Variants in CATSPERG observed in about 807,000 individuals in gnomAD.
The protein encoded by CATSPERG is catsper channel auxiliary subunit gamma.
CATSPERG carries 115 observed loss-of-function variants against 145.0 expected under a neutral mutation model. That is an observed-to-expected ratio of 0.79 (90% CI 0.68 to 0.93). The LOEUF (loss-of-function observed/expected upper bound fraction) is 0.93. Among genes scored for constraint, CATSPERG ranks in the 40% least tolerant of loss-of-function variants. The pLI is 0.00. For missense variants in CATSPERG, 1,296 were observed against 1,490.1 expected, an observed-to-expected ratio of 0.87 and a Z score of 2.14; for synonymous variants, 588 against 589.0, an observed-to-expected ratio of 1.00 and a Z score of 0.02.
At position 38,367,359 on chromosome 19, in the gene CATSPERG, C is replaced by T. The variant is rs371624020; in HGVS notation, c.2770+47C>T. 126 of 1,590,970 alleles carry T rather than the reference C, an allele frequency of 7.9e-5. No individual in the cohort carries two copies. The Middle Eastern group carries it at 8.4e-4, about 11-fold the overall frequency. ...CTGCACAGTTCACTGCCCTCTTGCC[C>T]CCACTACTTTGTGCTCTCCCTCCCC... On this transcript the variant is annotated intron_variant, in intron 23 of 28. Coordinates refer to ENST00000409235, the MANE Select transcript of CATSPERG (RefSeq NM_021185.5).
At chr19:38,343,829 G>T in intron 4 of CATSPERG, 105 bp downstream of exon 4, 1 of 1,424,028 alleles carries the variant, frequency 7.0e-7, no homozygotes, top group Non-Finnish European at 9.4e-7. Flanking sequence ...GGGGGCGGGA[G>T]CTCAGCACAT....
intron 22 of CATSPERG, chr19:38,365,716 G>GC (rs1970437048): frequency 7.4e-6 from 1 of 135,364 alleles, no homozygotes; most frequent in South Asian, 2.8e-4. Context: ...TTTGTTTTTT[G>GC]TTTTTTTTTT....
At chr19:38,338,212 G>C (rs1286844438) in intron 3 of CATSPERG, among the ~76,000 whole-genome samples, 1 of 151,854 alleles carries the variant, frequency 6.6e-6, no homozygotes, top group Non-Finnish European at 1.5e-5. Flanking sequence ...GCAGTGGCGC[G>C]ATCTCGGCTC....
At position 38,362,504 on chromosome 19, in the gene CATSPERG, G is replaced by A. The variant is rs780658051; in HGVS notation, c.2286G>A (p.Lys762=). The A allele has an allele frequency of 2.5e-6, 4 of 1,613,818 alleles. No homozygotes were observed. Among genetic ancestry groups the A allele is most frequent in the South Asian group, 1.1e-5 (1 of 91,094 alleles). ...TGCCGGAGCGCATTTTCCTGGACAA[G>A]GGCACTGAGTACAGCTTCGCCATCT... ...YELPERIFLD[K]GTEYSFAIFL... The change falls in exon 19 of 29, where the codon AAG becomes AAA. Residue 762 remains lysine (K), a synonymous_variant. Transcript: ENST00000409235.
intron 7 of CATSPERG, chr19:38,348,894 A>G (rs992792461): frequency 1.3e-5 from 2 of 152,206 alleles, no homozygotes; most frequent in Admixed American, 1.3e-4. Context: ...TAACCATTTT[A>G]AAGTGAACAT....
chr19:38,363,136 T>C (rs562679170), intron 20 of CATSPERG, among the ~76,000 whole-genome samples: 2 of 152,220 alleles, frequency 1.3e-5, no homozygotes, highest in South Asian at 4.1e-4. Context: ...CCTCCCAGAT[T>C]CAACCGAGTC....
chr19:38,360,787 G>A lies in CATSPERG; in HGVS notation c.1824G>A (p.Val608=). 1 of 1,612,624 alleles carries A rather than the reference G, an allele frequency of 6.2e-7. No homozygotes were observed. Among genetic ancestry groups the A allele is most frequent in the Non-Finnish European group, 8.5e-7 (1 of 1,179,540 alleles). The change falls in exon 16 of 29, where the codon GTG becomes GTA. Residue 608 remains valine (V), a synonymous_variant. Coordinates refer to ENST00000409235, the MANE Select transcript of CATSPERG (RefSeq NM_021185.5). ...AGCTGGTCAAGAGGCTCGTGCCCGT[G>A]GAGCAGCTTCTGATGTATCAACAGC... ...KGQLVKRLVP[V]EQLLMYQQHT...
rs370863363 is a variant in CATSPERG at position 38,370,216 on chromosome 19, C to G, written c.3171C>G (p.His1057Gln). The G allele has an allele frequency of 1.2e-6, 2 of 1,613,670 alleles. No homozygotes were observed. The highest frequency in any genetic ancestry group is 8.5e-7 in the Non-Finnish European group (1 of 1,180,028). Residue 1057 changes from histidine (H) to glutamine (Q), a missense_variant, in exon 28 of 29, where the codon CAC becomes CAG. His to Gln is a conservative substitution (Grantham distance 24). Coordinates refer to ENST00000409235, the MANE Select transcript of CATSPERG (RefSeq NM_021185.5). Reference sequence around the variant, plus strand: ...AGCTCACCTTCCTGCTGCACATCCACGGGCTGCCACTCAGTCCCAAGCGGG... The same window carrying G: ...AGCTCACCTTCCTGCTGCACATCCAGGGGCTGCCACTCAGTCCCAAGCGGG... The part of the protein sequence containing the change: ...NYQLTFLLHI[H>Q]GLPLSPKRAL...
In CATSPERG at chr19:38,359,466, G is replaced by A; in HGVS notation, c.1497-4G>A. The A allele has an allele frequency of 6.2e-7, 1 of 1,603,422 alleles. No individual in the cohort carries two copies. The highest frequency in any genetic ancestry group is 1.3e-5 in the African/African-American group (1 of 74,818). Reference sequence around the variant, plus strand: ...CGCCTAGCTCTCCATCTCTGTCCCTGCAGCTCTAACAAGGAAAACTTCATC... The same window carrying A: ...CGCCTAGCTCTCCATCTCTGTCCCTACAGCTCTAACAAGGAAAACTTCATC... On this transcript the variant is annotated splice_polypyrimidine_tract_variant and splice_region_variant and intron_variant, in intron 13 of 28. Coordinates refer to ENST00000409235, the MANE Select transcript of CATSPERG (RefSeq NM_021185.5).
Position 38,367,250 on chromosome 19 carries a change from AC to A in CATSPERG, c.2709del (p.Asn903LysfsTer10). 6.2e-7 allele frequency: 1 copy of A among 1,613,958 alleles called. No homozygotes were observed. Among genetic ancestry groups the A allele is most frequent in the Non-Finnish European group, 8.5e-7 (1 of 1,180,016 alleles). On this transcript the variant is annotated frameshift_variant, in exon 23 of 29. Coordinates refer to ENST00000409235, the MANE Select transcript of CATSPERG (RefSeq NM_021185.5). LOFTEE classifies it high-confidence loss of function. The part of the protein sequence containing the change: ...TYTLEYSRLK[N>X]KHYFDCVNVN... ...ACGCTGGAATACAGCCGCCTGAAGA[AC>A]AAACACTACTTTGACTGCGTTAACG...
intron 7 of CATSPERG, among the ~76,000 whole-genome samples, chr19:38,348,405 C>T (rs1446616921): frequency 6.6e-6 from 1 of 152,022 alleles, no homozygotes; most frequent in Non-Finnish European, 1.5e-5. Context: ...AAGCAATCCT[C>T]CCATCTAGGC....
At chr19:38,345,499 C>T (rs1204042520) in intron 6 of CATSPERG, among the ~76,000 whole-genome samples, 1 of 150,730 alleles carries the variant, frequency 6.6e-6, no homozygotes, top group Non-Finnish European at 1.5e-5. Flanking sequence ...GGCCCATGCC[C>T]ATATTCAATT....
intron 23 of CATSPERG, 73 bp from the exon 24 acceptor site, chr19:38,367,436 C>A: frequency 1.3e-6 from 2 of 1,568,746 alleles, no homozygotes; most frequent in Non-Finnish European, 1.7e-6. Flanking sequence ...TCTCACTTTC[C>A]CCCGTCTCGG....
Position 38,346,620 on chromosome 19 carries a change from G to A in CATSPERG, c.825+15G>A. The A allele has an allele frequency of 6.5e-7, 1 of 1,539,356 alleles. No individual in the cohort carries two copies. Among genetic ancestry groups the A allele is most frequent in the Non-Finnish European group, 8.8e-7 (1 of 1,136,962 alleles). On this transcript the variant is annotated intron_variant, in intron 7 of 28. Coordinates refer to ENST00000409235, the MANE Select transcript of CATSPERG (RefSeq NM_021185.5). The stretch of plus-strand genomic sequence containing the variant: ...CTCTCGTGGAGGTGAACGGTGTGGG[G>A]CAGATGGTGGGCGGGGCGTCTTGGA...
chr19:38,355,897 C>T (rs1181750468), intron 9 of CATSPERG, among the ~76,000 whole-genome samples: 5 of 152,144 alleles, frequency 3.3e-5, no homozygotes, highest in African/African-American at 9.7e-5. Flanking sequence ...TGCTCCATCA[C>T]ACCTTCGCTG....
At chr19:38,366,907 T>C in intron 22 of CATSPERG, 3 of 503,162 alleles carry the variant, frequency 6.0e-6, no homozygotes, top group Non-Finnish European at 1.1e-5. Flanking sequence ...CTGGCCAGGC[T>C]AGTCTCGAAC....
chr19:38,362,370 C>T lies in CATSPERG; in HGVS notation c.2158-6C>T. The T allele has an allele frequency of 1.2e-6, 2 of 1,614,118 alleles. No individual in the cohort carries two copies. The highest frequency in any genetic ancestry group is 1.7e-6 in the Non-Finnish European group (2 of 1,179,954). On this transcript the variant is annotated splice_region_variant and splice_polypyrimidine_tract_variant and intron_variant, in intron 18 of 28. Coordinates refer to ENST00000409235, the MANE Select transcript of CATSPERG (RefSeq NM_021185.5). ...CTGACTCTGCCCCGCGCATCCGGTA[C>T]CCCAGGATTACTACTTCTTCTTGGC...
At chr19:38,364,448 A>G (rs1216199450) in intron 20 of CATSPERG, among the ~76,000 whole-genome samples, 1 of 151,166 alleles carries the variant, frequency 6.6e-6, no homozygotes, top group Admixed American at 6.6e-5. Context: ...GTGGGCAGCC[A>G]GGCAGAGGGG....
At chr19:38,337,053 GCAAGAGCAGGGGCGGGAC>G in intron 1 of CATSPERG, 150 bp from the exon 2 acceptor site, 1 of 783,780 alleles carries the variant, frequency 1.3e-6, no homozygotes, top group Admixed American at 2.7e-5. Context: ...AGGGCCAGGA[GCAAGAGCAGGGGCGGGAC>G]CAAGAGCAAG....
Sources: allele counts gnomAD v4.1 joint callset (sites outside exome capture counted in the v4.1 genomes callset), GRCh38; gene constraint gnomAD v4.1.1; transcripts MANE v1.5; gene names NCBI Gene and HGNC (gene_info 2026-07-23, HGNC 2026-07-21).